The following ARHGAP42 variants were observed in gnomAD, a reference collection of about 807,000 sequenced individuals.
ARHGAP42 encodes rho GTPase-activating protein 42.
In ARHGAP42, 63 loss-of-function variants were observed where a neutral mutation model predicts 125.0. That is an observed-to-expected ratio of 0.50 (90% CI 0.41 to 0.62). The LOEUF (loss-of-function observed/expected upper bound fraction) is 0.62. Ranked by LOEUF, ARHGAP42 falls within the 20% of genes least tolerant of loss-of-function variation. ARHGAP42 has a pLI of 0.00. For missense variants in ARHGAP42, 766 were observed against 1,024.2 expected (o/e 0.75, Z 3.44); for synonymous variants, 339 against 351.0 (o/e 0.97, Z 0.38).
intron 1 of ARHGAP42, among the ~76,000 whole-genome samples, chr11:100,711,376 T>G (rs1861563280): frequency 6.6e-6 from 1 of 152,150 alleles, no homozygotes; most frequent in Non-Finnish European, 1.5e-5. Context: ...GTTTGTTTTT[T>G]GAGACAAGGT....
intron 1 of ARHGAP42, among the ~76,000 whole-genome samples, chr11:100,722,909 C>T (rs1408381806): frequency 1.3e-5 from 2 of 152,074 alleles, no homozygotes; most frequent in African/African-American, 4.8e-5. Flanking sequence ...ACTAGGTTAT[C>T]TTGTTAGGAG....
intron 4 of ARHGAP42, among the ~76,000 whole-genome samples, chr11:100,887,594 G>A (rs1001972930): frequency 2.6e-5 from 4 of 152,192 alleles, no homozygotes; most frequent in Admixed American, 1.3e-4. Flanking sequence ...TGACCAAGAT[G>A]TGAGCTATCA....
chr11:100,968,298 A>G (rs902981384), intron 17 of ARHGAP42, among the ~76,000 whole-genome samples: 2 of 152,066 alleles, frequency 1.3e-5, no homozygotes, highest in African/African-American at 4.8e-5. Flanking sequence ...ATTTAATGTT[A>G]TTATTGATGT....
chr11:100,729,221 AG>A (rs747990341), intron 1 of ARHGAP42, among the ~76,000 whole-genome samples: 1 of 152,202 alleles, frequency 6.6e-6, no homozygotes, highest in Admixed American at 6.5e-5. Context: ...TGATGGCCAA[AG>A]GATGTCACTT....
chr11:100,908,330 G>A (rs369622869), intron 4 of ARHGAP42, among the ~76,000 whole-genome samples: 9 of 152,260 alleles, frequency 5.9e-5, no homozygotes, highest in Admixed American at 3.3e-4. Flanking sequence ...GTATTCCGGG[G>A]TTTTAGTGTA....
intron 3 of ARHGAP42, among the ~76,000 whole-genome samples, chr11:100,856,102 C>T (rs930777807): frequency 6.6e-6 from 1 of 152,012 alleles, no homozygotes; most frequent in Admixed American, 6.6e-5. Context: ...TGATTTTTCC[C>T]CCAAGTATTA....
intron 4 of ARHGAP42, among the ~76,000 whole-genome samples, chr11:100,896,508 C>T (rs1176029406): frequency 2.0e-5 from 3 of 152,142 alleles, no homozygotes; most frequent in African/African-American, 7.2e-5. Flanking sequence ...TCTGTTGTTT[C>T]CTGACTTTAA....
At chr11:100,965,808 T>A in intron 17 of ARHGAP42, 32 bp downstream of exon 17, 1 of 1,494,784 alleles carries the variant, frequency 6.7e-7, no homozygotes, top group Non-Finnish European at 9.1e-7. Context: ...TTCATTTAAC[T>A]TATTGTTCAT....
At chr11:100,879,855 G>A (rs185759164) in intron 4 of ARHGAP42, among the ~76,000 whole-genome samples, 21 of 152,172 alleles carry the variant, frequency 1.4e-4, no homozygotes, top group Admixed American at 3.9e-4. Context: ...GGCAAAAGGA[G>A]TAAAGTTAAA....
chr11:100,777,234 A>C (rs903672254), intron 2 of ARHGAP42, among the ~76,000 whole-genome samples: 2 of 152,158 alleles, frequency 1.3e-5, no homozygotes, highest in African/African-American at 4.8e-5. Flanking sequence ...GGGCTTTACT[A>C]TGTCTTCCTG....
At chr11:100,708,332 C>T (rs566220144) in intron 1 of ARHGAP42, among the ~76,000 whole-genome samples, 8 of 152,066 alleles carry the variant, frequency 5.3e-5, no homozygotes, top group Middle Eastern at 3.4e-3. Flanking sequence ...GGCAACATAG[C>T]GAGACCCCAT....
At chr11:100,739,672 T>A (rs1194754749) in intron 1 of ARHGAP42, among the ~76,000 whole-genome samples, 1 of 152,074 alleles carries the variant, frequency 6.6e-6, no homozygotes, top group Non-Finnish European at 1.5e-5. Flanking sequence ...CCCTCCCCTC[T>A]GCATCTAATA....
intron 6 of ARHGAP42, among the ~76,000 whole-genome samples, chr11:100,929,769 T>G (rs1867524823): frequency 6.6e-6 from 1 of 152,228 alleles, no homozygotes; most frequent in Admixed American, 6.5e-5. Flanking sequence ...TTTTTATTAT[T>G]TAATTATGAG....
At chr11:100,979,746 C>CAAT (rs1858484130) in intron 22 of ARHGAP42, among the ~76,000 whole-genome samples, 1 of 151,622 alleles carries the variant, frequency 6.6e-6, no homozygotes, top group South Asian at 2.1e-4. Flanking sequence ...AGGAGACACT[C>CAAT]AATGCCTATT....
chr11:100,781,266 G>A (rs1353655187), intron 2 of ARHGAP42, among the ~76,000 whole-genome samples: 1 of 151,006 alleles, frequency 6.6e-6, no homozygotes, highest in African/African-American at 2.5e-5. Context: ...TGTGAGGGTG[G>A]GGAGGAACAA....
intron 2 of ARHGAP42, among the ~76,000 whole-genome samples, chr11:100,787,613 T>C (rs540837887): frequency 6.6e-6 from 1 of 152,258 alleles, no homozygotes; most frequent in African/African-American, 2.4e-5. Flanking sequence ...GCAGGCAATG[T>C]TGGGATCCAC....
At chr11:100,877,834 G>A (rs141037530) in intron 4 of ARHGAP42, among the ~76,000 whole-genome samples, 69 of 151,850 alleles carry the variant, frequency 4.5e-4, no homozygotes, top group African/African-American at 1.5e-3. Context: ...GTGAAACCCC[G>A]TCTCCAGTAA....
chr11:100,986,682 T>TG (rs1367523552), intron 22 of ARHGAP42, among the ~76,000 whole-genome samples: 3 of 152,130 alleles, frequency 2.0e-5, no homozygotes, highest in African/African-American at 7.2e-5. Context: ...GATAAGTACT[T>TG]GGAGTTGGGA....
chr11:100,813,640 C>T (rs1265441705), intron 3 of ARHGAP42, among the ~76,000 whole-genome samples: 11 of 152,058 alleles, frequency 7.2e-5, no homozygotes, highest in Admixed American at 6.5e-4. Context: ...CTCCAGGGTC[C>T]GCCATGTGGT....
Sources: allele counts gnomAD v4.1 joint callset (sites outside exome capture counted in the v4.1 genomes callset), GRCh38; gene constraint gnomAD v4.1.1; transcripts MANE v1.5; gene names NCBI Gene and HGNC (gene_info 2026-07-23, HGNC 2026-07-21).